Variants in HTR6 observed in about 807,000 individuals in gnomAD.
The protein encoded by HTR6 is 5-hydroxytryptamine receptor 6, also known as 5-hydroxytryptamine (serotonin) receptor 6, G protein-coupled.
A neutral mutation model predicts 17.4 loss-of-function variants in HTR6; 15 were observed. The ratio of observed to expected loss-of-function variants is 0.86; its 90% CI spans 0.58 to 1.33. The LOEUF (loss-of-function observed/expected upper bound fraction) is 1.33. Among genes scored for constraint, HTR6 ranks in the 40% most tolerant of loss-of-function variants. HTR6 has a pLI of 0.00. For missense variants in HTR6, 578 were observed against 616.0 expected (o/e 0.94, Z 0.65); for synonymous variants, 326 against 295.5 (o/e 1.10, Z -1.06).
rs918560062 is a variant in HTR6, at chr1:19,680,410, C to A, written c.*1042C>A. On this transcript the variant is annotated 3_prime_UTR_variant, in exon 3 of 3. Coordinates refer to ENST00000289753, the MANE Select transcript of HTR6 (RefSeq NM_000871.3). ...GGTGGGGACCCCATCTCTCAGGGAC[C>A]CTCCCAGCTCCCAAGCTGCTGCCCT... Among the ~76,000 whole-genome samples the A allele has an allele frequency of 4.6e-5, 7 of 152,210 alleles. No homozygotes were observed. The highest frequency in any genetic ancestry group is 8.8e-5 in the Non-Finnish European group (6 of 68,046).
chr1:19,673,180 A>G (rs756102035), intron 1 of HTR6, among the ~76,000 whole-genome samples: 5 of 152,212 alleles, frequency 3.3e-5, no homozygotes, highest in African/African-American at 7.2e-5. Flanking sequence ...GGGACTTCCT[A>G]TGTGCTGGCA....
Position 19,665,677 on chromosome 1 carries a change from C to A in HTR6, c.-77C>A. On this transcript the variant is annotated 5_prime_UTR_variant, in exon 1 of 3. Coordinates refer to ENST00000289753, the MANE Select transcript of HTR6 (RefSeq NM_000871.3). This position sits in a 1 kb window ranked among gnomAD's most constrained non-coding sequence, Gnocchi z 4.2. Reference sequence around the variant, plus strand: ...GTCTGTTCTCACGGACGGTCCCCGTCCAGCCTGCGCTTCGCCGGGGCCCTC... The same window carrying A: ...GTCTGTTCTCACGGACGGTCCCCGTACAGCCTGCGCTTCGCCGGGGCCCTC... 1 of 997,336 alleles carries A rather than the reference C, an allele frequency of 1.0e-6. No homozygotes were observed. Among genetic ancestry groups the A allele is most frequent in the Non-Finnish European group, 1.4e-6 (1 of 691,806 alleles). 61.8% of individuals were successfully genotyped at this position (997,336 alleles called of 1,614,324 possible). A position where few individuals can be genotyped will look rare whatever the true frequency, so the allele number is the denominator to read the frequency against.
At chr1:19,677,370 C>A (rs926009029) in intron 1 of HTR6, among the ~76,000 whole-genome samples, 3 of 152,266 alleles carry the variant, frequency 2.0e-5, no homozygotes, top group African/African-American at 7.2e-5. Flanking sequence ...CAAATTCTAA[C>A]CTCCCCGGGC....
chr1:19,669,703 G>A (rs374108445), intron 1 of HTR6, among the ~76,000 whole-genome samples: 10 of 152,140 alleles, frequency 6.6e-5, no homozygotes, highest in African/African-American at 1.4e-4. Context: ...CATTTGCCCC[G>A]TTAGTGACCT....
At position 19,666,115 on chromosome 1, in the gene HTR6, G is replaced by A. The variant is rs776543824; in HGVS notation, c.362G>A (p.Ser121Asn). Reference protein sequence around the residue: ...SASILNLCLISLDRYLLILSP... With the variant: ...SASILNLCLINLDRYLLILSP... ...TCCATCCTCAACCTCTGCCTCATCAGCCTGGACCGCTACCTGCTCATCCTC... is the reference window on the plus strand; with the variant it reads ...TCCATCCTCAACCTCTGCCTCATCAACCTGGACCGCTACCTGCTCATCCTC... Residue 121 changes from serine (S) to asparagine (N), a missense_variant, in exon 1 of 3, where the codon AGC becomes AAC. By Grantham distance (46) the Ser-to-Asn change is conservative. Coordinates refer to ENST00000289753, the MANE Select transcript of HTR6 (RefSeq NM_000871.3). The surrounding 1 kb of genome is among the most constrained non-coding windows in gnomAD (Gnocchi z 4.5). 8.7e-6 allele frequency: 14 copies of A among 1,612,256 alleles called. No homozygotes were observed. Among genetic ancestry groups the A allele is most frequent in the Non-Finnish European group, 1.1e-5 (13 of 1,179,902 alleles).
At chr1:19,669,159 G>A (rs1405392638) in intron 1 of HTR6, among the ~76,000 whole-genome samples, 1 of 152,142 alleles carries the variant, frequency 6.6e-6, no homozygotes, top group African/African-American at 2.4e-5. Flanking sequence ...GGCTGGTCTG[G>A]GTGAGGTTGG....
In HTR6 at chr1:19,679,172, C is replaced by T. The variant is rs752423889; in HGVS notation, c.1127C>T (p.Pro376Leu). ...CAGGTGCTGCCGCTGCCCCTGCCGCCGGACTCAGATTCGGACTCAGACGCA... is the reference window on the plus strand; with the variant it reads ...CAGGTGCTGCCGCTGCCCCTGCCGCTGGACTCAGATTCGGACTCAGACGCA... ...LQQVLPLPLP[P>L]DSDSDSDAGS... Residue 376 changes from proline (P) to leucine (L), a missense_variant, in exon 3 of 3, where the codon CCG becomes CTG. By Grantham distance (98) the Pro-to-Leu change is moderately conservative. Coordinates refer to ENST00000289753, the MANE Select transcript of HTR6 (RefSeq NM_000871.3). This position sits in a 1 kb window ranked among gnomAD's most constrained non-coding sequence, Gnocchi z 4.9. 20 of 1,593,006 alleles carry T rather than the reference C, an allele frequency of 1.3e-5. No individual in the cohort carries two copies. The highest frequency in any genetic ancestry group is 5.4e-5 in the African/African-American group (4 of 74,348).
Position 19,665,806 on chromosome 1 carries a change from G to A in HTR6, c.53G>A (p.Gly18Glu), listed in dbSNP as rs2095080731. Residue 18 changes from glycine (G) to glutamate (E), a missense_variant, in exon 1 of 3, where the codon GGG (glycine) becomes GAG (glutamate). Gly to Glu is a moderately conservative substitution (Grantham distance 98). Transcript: ENST00000289753. The surrounding 1 kb of genome is among the most constrained non-coding windows in gnomAD (Gnocchi z 4.2). ...AATAGCACCCCGGCCTGGGGGGCAGGGCCGCCGTCGGCCCCGGGGGGCAGC... is the reference window on the plus strand; with the variant it reads ...AATAGCACCCCGGCCTGGGGGGCAGAGCCGCCGTCGGCCCCGGGGGGCAGC... Reference protein sequence around the residue: ...TANSTPAWGAGPPSAPGGSGW... With the variant: ...TANSTPAWGAEPPSAPGGSGW... The A allele has an allele frequency of 2.0e-6, 3 of 1,524,548 alleles. No homozygotes were observed. Among genetic ancestry groups the A allele is most frequent in the Non-Finnish European group, 2.6e-6 (3 of 1,144,184 alleles). 94.4% of individuals were successfully genotyped at this position (1,524,548 alleles called of 1,614,324 possible). A position where few individuals can be genotyped will look rare whatever the true frequency, so the allele number is the denominator to read the frequency against.
chr1:19,665,862 A>T lies in HTR6; in HGVS notation c.109A>T (p.Ile37Phe). ...GGTGGCGGCCGCGCTGTGCGTGGTC[A>T]TCGCGCTGACGGCGGCGGCCAACTC... is the stretch of plus-strand genomic sequence containing the variant. ...GWVAAALCVV[I>F]ALTAAANSLL... Residue 37 changes from isoleucine to phenylalanine, a missense_variant, in exon 1 of 3, where the codon ATC becomes TTC. Physicochemically the swap from Ile to Phe is conservative, Grantham distance 21. Transcript: ENST00000289753. This position sits in a 1 kb window ranked among gnomAD's most constrained non-coding sequence, Gnocchi z 4.2. 4 of 1,597,686 alleles carry T rather than the reference A, an allele frequency of 2.5e-6. No homozygotes were observed. Among genetic ancestry groups the T allele is most frequent in the Non-Finnish European group, 3.4e-6 (4 of 1,172,830 alleles).
At chr1:19,674,367 T>C (rs1309277914) in intron 1 of HTR6, among the ~76,000 whole-genome samples, 1 of 151,906 alleles carries the variant, frequency 6.6e-6, no homozygotes, top group Non-Finnish European at 1.5e-5. Flanking sequence ...TAGTATTCTG[T>C]AGTGGGAATT....
intron 1 of HTR6, among the ~76,000 whole-genome samples, chr1:19,668,444 C>A (rs758800036): frequency 4.6e-5 from 7 of 152,100 alleles, no homozygotes; most frequent in Admixed American, 1.3e-4. Flanking sequence ...GTCTTGGCCT[C>A]CCAAAGTGCT....
intron 1 of HTR6, among the ~76,000 whole-genome samples, chr1:19,675,410 C>T (rs2095093080): frequency 6.6e-6 from 1 of 152,026 alleles, no homozygotes; most frequent in Admixed American, 6.6e-5. Context: ...ACAGTGTGAC[C>T]TTGGGAAGGG....
intron 1 of HTR6, among the ~76,000 whole-genome samples, chr1:19,669,803 T>C (rs1191304857): frequency 6.6e-6 from 1 of 152,168 alleles, no homozygotes; most frequent in Non-Finnish European, 1.5e-5. Context: ...GCCCAGCTAA[T>C]TTTTGTATTT....
chr1:19,680,893 C>G lies in HTR6; in HGVS notation c.*1525C>G, dbSNP rs2095101690. 6.6e-6 allele frequency among the ~76,000 whole-genome samples: 1 copy of G among 152,206 alleles called. No homozygotes were observed. Among genetic ancestry groups the G allele is most frequent in the African/African-American group, 2.4e-5 (1 of 41,450 alleles). On this transcript the variant is annotated 3_prime_UTR_variant, in exon 3 of 3. Transcript: ENST00000289753. ...CCCCGGCGGCTGGCCTCTGAGGGGC[C>G]ATGGTGCTTGCGGGGCTTCCCCTAT...
At chr1:19,678,485 G>T in intron 1 of HTR6, 82 bp from the exon 2 acceptor site, 1 of 1,530,702 alleles carries the variant, frequency 6.5e-7, no homozygotes, top group Non-Finnish European at 9.0e-7. Context: ...CTAGAATTAG[G>T]ATTGAAGCTC....
intron 1 of HTR6, among the ~76,000 whole-genome samples, chr1:19,670,466 C>G (rs1201172699): frequency 7.5e-6 from 1 of 133,404 alleles, no homozygotes; most frequent in Non-Finnish European, 1.5e-5. Flanking sequence ...TGTTTTTCTG[C>G]CTTTTTTTTT....
chr1:19,672,567 G>A (rs1053491559), intron 1 of HTR6, among the ~76,000 whole-genome samples: 8 of 152,234 alleles, frequency 5.3e-5, no homozygotes, highest in Admixed American at 5.2e-4. Flanking sequence ...CAGGAGCTTG[G>A]GGGTCTGGCT....
At position 19,679,936 on chromosome 1, in the gene HTR6, CT is replaced by C. The variant is rs2095099717; in HGVS notation, c.*571del. Among the ~76,000 whole-genome samples, 1 of 152,204 alleles carries C rather than the reference CT, an allele frequency of 6.6e-6. No homozygotes were observed. The highest frequency in any genetic ancestry group is 1.5e-5 in the Non-Finnish European group (1 of 68,040). ...TTTGAGATGTGCTGCCTTAGATCAT[CT>C]TTAACCCTCAGAATGATTTGCTGGA... On this transcript the variant is annotated 3_prime_UTR_variant, in exon 3 of 3. Transcript: ENST00000289753. This position sits in a 1 kb window ranked among gnomAD's most constrained non-coding sequence, Gnocchi z 4.9.
In HTR6 at chr1:19,679,797, A is replaced by T. The variant is rs986133133; in HGVS notation, c.*429A>T. Among the ~76,000 whole-genome samples, 2 of 152,198 alleles carry T rather than the reference A, an allele frequency of 1.3e-5. No homozygotes were observed. The highest frequency in any genetic ancestry group is 4.8e-5 in the African/African-American group (2 of 41,446). ...ACAGTGTAGTCCATGGACAATCGGC[A>T]TTGCCGTCACCTTTGGGAGTTTGTG... On this transcript the variant is annotated 3_prime_UTR_variant, in exon 3 of 3. Coordinates refer to ENST00000289753, the MANE Select transcript of HTR6 (RefSeq NM_000871.3). This position sits in a 1 kb window ranked among gnomAD's most constrained non-coding sequence, Gnocchi z 4.9.
Sources: gnomAD v4.1 joint callset for allele counts (sites outside exome capture counted in the v4.1 genomes callset) on GRCh38, gnomAD v4.1.1 for gene constraint, Gnocchi (gnomAD v3.1) non-coding constraint, MANE v1.5 for transcripts, NCBI Gene and HGNC (gene_info 2026-07-23, HGNC 2026-07-21) for gene names.